AKAP19: variants seen among roughly 807,000 people sequenced by gnomAD.
The protein encoded by AKAP19 is A-kinase anchoring protein 19, also known as small A-kinase anchoring protein.
the AKAP19 span, among the ~76,000 whole-genome samples, chr2:190,069,175 T>TGTGTGTGTGTGTGTGTGTGA: frequency 8.1e-6 from 1 of 123,540 alleles, no homozygotes; most frequent in African/African-American, 3.2e-5. Context: ...TGTGTGTGTG[T>TGTGTGTGTGTGTGTGTGTGA]GAGAGAGAGA....
the AKAP19 span, among the ~76,000 whole-genome samples, chr2:190,122,227 A>G: frequency 6.6e-6 from 1 of 152,246 alleles, no homozygotes; most frequent in Non-Finnish European, 1.5e-5. Context: ...TAAAAGGGGC[A>G]TTTGAATTCA....
At chr2:189,901,214 T>G in the AKAP19 span, among the ~76,000 whole-genome samples, 12 of 152,190 alleles carry the variant, frequency 7.9e-5, no homozygotes, top group Non-Finnish European at 1.5e-4. Context: ...TGTTTTGGGG[T>G]TTTTGTGTCA....
the AKAP19 span, among the ~76,000 whole-genome samples, chr2:190,166,886 AAAAGAAAAAAG>A: frequency 0.52 from 79,044 of 150,732 alleles, 21,430 homozygotes; most frequent in African/African-American, 0.65. Flanking sequence ...AGCCAGCAAA[AAAAGAAAAAAG>A]AAAGAAAAAA....
chr2:190,195,192 T>C, the AKAP19 span, among the ~76,000 whole-genome samples: 2 of 152,192 alleles, frequency 1.3e-5, no homozygotes, highest in African/African-American at 4.8e-5. Flanking sequence ...ATATGTTCCA[T>C]TGTTTAGATG....
the AKAP19 span, among the ~76,000 whole-genome samples, chr2:189,989,895 C>T: frequency 6.6e-6 from 1 of 152,014 alleles, no homozygotes. Context: ...TCTGAGTTCA[C>T]GGATTGGAAG....
the AKAP19 span, among the ~76,000 whole-genome samples, chr2:190,010,171 G>A: frequency 6.6e-6 from 1 of 152,210 alleles, no homozygotes; most frequent in African/African-American, 2.4e-5. Context: ...CTATATTCTT[G>A]AGTGGGTGAG....
chr2:190,062,413 T>A, the AKAP19 span: 2 of 1,613,522 alleles, frequency 1.2e-6, no homozygotes, highest in South Asian at 1.1e-5. Context: ...CGAAGTTTAC[T>A]GAGGATTTGT....
chr2:189,965,287 C>G, the AKAP19 span, among the ~76,000 whole-genome samples: 1 of 151,886 alleles, frequency 6.6e-6, no homozygotes, highest in Non-Finnish European at 1.5e-5. Context: ...AAAGTAACCT[C>G]AAAGATCATT....
chr2:189,991,183 A>G, the AKAP19 span, among the ~76,000 whole-genome samples: 2 of 152,204 alleles, frequency 1.3e-5, no homozygotes, highest in Non-Finnish European at 2.9e-5. Context: ...TTTTCAAATA[A>G]TGACTTCTTT....
At chr2:190,018,546 ATTTG>A in the AKAP19 span, among the ~76,000 whole-genome samples, 2 of 151,580 alleles carry the variant, frequency 1.3e-5, no homozygotes, top group African/African-American at 4.8e-5. Context: ...CATGTTTTCT[ATTTG>A]TTTAACTTTC....
chr2:189,934,153 A>G, the AKAP19 span, among the ~76,000 whole-genome samples: 1 of 152,106 alleles, frequency 6.6e-6, no homozygotes, highest in African/African-American at 2.4e-5. Context: ...GCAAAATTAT[A>G]CAGAGTAAGA....
At chr2:189,931,339 G>A in the AKAP19 span, among the ~76,000 whole-genome samples, 1 of 151,958 alleles carries the variant, frequency 6.6e-6, no homozygotes, top group Non-Finnish European at 1.5e-5. Flanking sequence ...TAGAAAACAG[G>A]AAATTAACTT....
the AKAP19 span, chr2:190,181,106 TTGTG>T: frequency 1.0e-6 from 1 of 985,532 alleles, no homozygotes; most frequent in Non-Finnish European, 1.2e-6. Flanking sequence ...GGGCAACGTG[TTGTG>T]TAAGTGAACA....
chr2:190,169,312 A>G, the AKAP19 span, among the ~76,000 whole-genome samples: 5 of 152,110 alleles, frequency 3.3e-5, no homozygotes, highest in Admixed American at 2.6e-4. Context: ...TGAGAATTCA[A>G]GATGAGATTT....
chr2:189,916,329 CTTTTTTTT>C, the AKAP19 span, among the ~76,000 whole-genome samples: 1 of 106,564 alleles, frequency 9.4e-6, no homozygotes, highest in Admixed American at 9.8e-5. Context: ...TCTTTTTCTT[CTTTTTTTT>C]TTTTTTTTGG....
the AKAP19 span, among the ~76,000 whole-genome samples, chr2:189,933,493 A>G: frequency 6.6e-6 from 1 of 152,064 alleles, no homozygotes; most frequent in Non-Finnish European, 1.5e-5. Flanking sequence ...TGTTTGTCAC[A>G]TTTTACTGCC....
chr2:190,084,591 TTACAGTC>T, the AKAP19 span, among the ~76,000 whole-genome samples: 1 of 152,190 alleles, frequency 6.6e-6, no homozygotes, highest in Non-Finnish European at 1.5e-5. Context: ...TTTAATCAGA[TTACAGTC>T]TACAGACTAA....
At chr2:190,096,120 T>G in the AKAP19 span, among the ~76,000 whole-genome samples, 11 of 152,150 alleles carry the variant, frequency 7.2e-5, no homozygotes, top group African/African-American at 2.7e-4. Context: ...GAGGCAGTTT[T>G]GGTAGTGTCC....
the AKAP19 span, among the ~76,000 whole-genome samples, chr2:189,935,831 C>T: frequency 2.6e-5 from 4 of 152,040 alleles, no homozygotes; most frequent in African/African-American, 9.7e-5. Context: ...TTAAAAAATA[C>T]ATGCCAAGTA....
Sources: allele counts gnomAD v4.1 joint callset (sites outside exome capture counted in the v4.1 genomes callset), GRCh38; gene constraint gnomAD v4.1.1; transcripts MANE v1.5; gene names NCBI Gene and HGNC (gene_info 2026-07-23, HGNC 2026-07-21).